The following OR4F17 variants were observed in gnomAD, a reference collection of about 807,000 sequenced individuals.
OR4F17 encodes the protein olfactory receptor 4F17.
For missense variants in OR4F17, 1 was observed against 323.6 expected (o/e 0.00, Z 7.65); for synonymous variants, 1 against 120.7 (o/e 0.01, Z 6.50).
rs1471007155 is a variant in OR4F17 at position 108,092 on chromosome 19, T to C, written c.-55+537T>C. On this transcript the variant is annotated intron_variant, in intron 2 of 2. Coordinates refer to ENST00000585993, the MANE Select transcript of OR4F17 (RefSeq NM_001005240.3). ...ATAGAATATAATATATATTTTATTA[T>C]ATAATATATATTATAGAATATAATA... Among the ~76,000 whole-genome samples, 4 of 126,888 alleles carry C rather than the reference T, an allele frequency of 3.2e-5. No individual in the cohort carries two copies. The East Asian group carries it at 6.8e-4, about 21-fold the overall frequency. 83.2% of individuals were successfully genotyped at this position (126,888 alleles called of 152,430 possible).
intron 2 of OR4F17, among the ~76,000 whole-genome samples, chr19:109,827 C>A (rs1227266575): frequency 2.0e-5 from 3 of 151,708 alleles, no homozygotes; most frequent in African/African-American, 7.3e-5. Flanking sequence ...TACTTTAATA[C>A]GTTGCTCGAT....
chr19:108,800 ATATT>A, intron 2 of OR4F17, among the ~76,000 whole-genome samples: 1 of 152,178 alleles, frequency 6.6e-6, no homozygotes, highest in Non-Finnish European at 1.5e-5. Flanking sequence ...TAGTATGATT[ATATT>A]TATTACAGTG....
At chr19:107,760 T>A (rs1388295434) in intron 2 of OR4F17, among the ~76,000 whole-genome samples, 65 of 131,218 alleles carry the variant, frequency 5.0e-4, no homozygotes, top group Admixed American at 1.8e-3. Context: ...ATATATATAT[T>A]ATATATACTA....
intron 2 of OR4F17, among the ~76,000 whole-genome samples, chr19:109,791 C>A (rs1285368267): frequency 6.7e-6 from 1 of 148,404 alleles, no homozygotes; most frequent in Non-Finnish European, 1.5e-5. Flanking sequence ...ACACAGGCCT[C>A]CTAGCACACA....
At position 110,936 on chromosome 19, in the gene OR4F17, TTTCAAGGGCTGCCTTG is replaced by T; in HGVS notation, c.263_278del (p.Lys88ArgfsTer14). 2.4e-6 allele frequency: 3 copies of T among 1,264,286 alleles called. No individual in the cohort carries two copies. The highest frequency in any genetic ancestry group is 1.1e-6 in the Non-Finnish European group (1 of 872,398). The allele number at this position is 1,264,286 out of a possible 1,614,324, so 78.3% of individuals were successfully genotyped here. A position where few individuals can be genotyped will look rare whatever the true frequency, so the allele number is the denominator to read the frequency against. On this transcript the variant is annotated frameshift_variant, in exon 3 of 3. Coordinates refer to ENST00000585993, the MANE Select transcript of OR4F17 (RefSeq NM_001005240.3). LOFTEE classifies it high-confidence loss of function. Reference sequence around the variant, plus strand: ...TTTTCAGCCAGCGCAAAGTCATCTCTTTCAAGGGCTGCCTTGTTCAGATATTTCTCCTTCACTTCTT... The same window carrying T: ...TTTTCAGCCAGCGCAAAGTCATCTCTTTCAGATATTTCTCCTTCACTTCTT...
chr19:109,211 TTTTA>T (rs1354612694), intron 2 of OR4F17, among the ~76,000 whole-genome samples: 1 of 152,228 alleles, frequency 6.6e-6, no homozygotes, highest in Non-Finnish European at 1.5e-5. Flanking sequence ...TCAGGACACC[TTTTA>T]TTTGTTACTT....
Position 109,856 on chromosome 19 carries a change from A to T in OR4F17, c.-54-769A>T, listed in dbSNP as rs544302306. ...GCTCGATGGGATCTTACAGGTCTTC[A>T]TTCACCCCTTTCCTGCTCACACAAC... On this transcript the variant is annotated intron_variant, in intron 2 of 2. Coordinates refer to ENST00000585993, the MANE Select transcript of OR4F17 (RefSeq NM_001005240.3). 6.6e-5 allele frequency among the ~76,000 whole-genome samples: 10 copies of T among 152,188 alleles called. No homozygotes were observed. The South Asian group carries it at 2.1e-3, about 32-fold the overall frequency.
At chr19:110,128 T>C (rs1329046389) in intron 2 of OR4F17, among the ~76,000 whole-genome samples, 1 of 149,020 alleles carries the variant, frequency 6.7e-6, no homozygotes, top group African/African-American at 2.4e-5. Context: ...TGCATTTTCC[T>C]CACTTTTTCT....
intron 2 of OR4F17, among the ~76,000 whole-genome samples, chr19:108,144 T>A (rs1321165110): frequency 7.8e-6 from 1 of 128,298 alleles, no homozygotes; most frequent in African/African-American, 2.8e-5. Flanking sequence ...ATAACATATA[T>A]TATTATATAA....
chr19:109,787 G>A (rs1204942822), intron 2 of OR4F17, among the ~76,000 whole-genome samples: 1 of 147,712 alleles, frequency 6.8e-6, no homozygotes, highest in Non-Finnish European at 1.5e-5. Context: ...TTGAACACAG[G>A]CCTCCTAGCA....
At chr19:107,824 TAATATA>T (rs1348299776) in intron 2 of OR4F17, among the ~76,000 whole-genome samples, 24 of 121,254 alleles carry the variant, frequency 2.0e-4, no homozygotes, top group Non-Finnish European at 3.6e-4. Flanking sequence ...ATATAATATA[TAATATA>T]AATATAATAT....
At chr19:109,840 G>C (rs1458676708) in intron 2 of OR4F17, among the ~76,000 whole-genome samples, 1 of 151,928 alleles carries the variant, frequency 6.6e-6, no homozygotes, top group Non-Finnish European at 1.5e-5. Flanking sequence ...TGCTCGATGG[G>C]ATCTTACAGG....
At chr19:108,800 A>G (rs1435019669) in intron 2 of OR4F17, among the ~76,000 whole-genome samples, 1 of 152,292 alleles carries the variant, frequency 6.6e-6, no homozygotes, top group African/African-American at 2.4e-5. Context: ...TAGTATGATT[A>G]TATTTATTAC....
chr19:108,228 G>T (rs1267083325), intron 2 of OR4F17, among the ~76,000 whole-genome samples: 10 of 136,606 alleles, frequency 7.3e-5, no homozygotes, highest in African/African-American at 2.4e-4. Context: ...AATTCTAATG[G>T]TTGAATTCCA....
At chr19:109,594 G>T (rs1968679467) in intron 2 of OR4F17, among the ~76,000 whole-genome samples, 1 of 126,404 alleles carries the variant, frequency 7.9e-6, no homozygotes, top group Admixed American at 9.0e-5. Flanking sequence ...CTTAATAATG[G>T]CTATTATATA....
At chr19:107,883 ATATAT>A (rs1968637674) in intron 2 of OR4F17, among the ~76,000 whole-genome samples, 1 of 35,328 alleles carries the variant, frequency 2.8e-5, no homozygotes, top group Non-Finnish European at 4.6e-5. Context: ...ATAATATAAT[ATATAT>A]TATATAATAT....
chr19:108,712 A>G (rs1968664545), intron 2 of OR4F17, among the ~76,000 whole-genome samples: 1 of 151,860 alleles, frequency 6.6e-6, no homozygotes, highest in African/African-American at 2.4e-5. Context: ...ACTTTGATTC[A>G]AAAGAAACAG....
chr19:107,893 T>TA (rs11384287), intron 2 of OR4F17, among the ~76,000 whole-genome samples: 1,149 of 1,958 alleles, frequency 0.59, 211 homozygotes, highest in East Asian at 0.92. Context: ...ATATATTATA[T>TA]AATATAATAT....
intron 2 of OR4F17, among the ~76,000 whole-genome samples, chr19:108,120 T>C (rs1191220102): frequency 2.3e-5 from 3 of 131,258 alleles, no homozygotes; most frequent in East Asian, 2.2e-4. Flanking sequence ...ATATAATATA[T>C]ATTATATTTA....
Sources: allele counts gnomAD v4.1 joint callset (sites outside exome capture counted in the v4.1 genomes callset), GRCh38; gene constraint gnomAD v4.1.1; transcripts MANE v1.5; gene names NCBI Gene and HGNC (gene_info 2026-07-23, HGNC 2026-07-21).